The following IDE variants were observed in gnomAD, a reference collection of about 807,000 sequenced individuals.
IDE encodes the protein insulin-degrading enzyme.
A neutral mutation model predicts 133.2 loss-of-function variants in IDE; 58 were observed. The observed-to-expected ratio is 0.44, with a 90% CI of 0.35 to 0.54. The LOEUF (loss-of-function observed/expected upper bound fraction) is 0.54. Ranked by LOEUF, IDE falls within the 20% of genes least tolerant of loss-of-function variation. The pLI, the probability that IDE is intolerant of heterozygous loss-of-function variation, is 0.00. For synonymous variants in IDE, 396 were observed against 421.3 expected (o/e 0.94, Z 0.73); for missense variants, 981 against 1,234.0 (o/e 0.79, Z 3.07).
chr10:92,479,654 C>T (rs1437456325), intron 14 of IDE: 4 of 390,714 alleles, frequency 1.0e-5, no homozygotes, highest in Admixed American at 8.0e-5. Flanking sequence ...TGCGTGCGCA[C>T]TGGTAGTAGT....
chr10:92,512,772 A>G (rs1344271064), intron 5 of IDE, among the ~76,000 whole-genome samples: 1 of 152,178 alleles, frequency 6.6e-6, no homozygotes, highest in African/African-American at 2.4e-5. Flanking sequence ...TAACTATAAA[A>G]GTAACATTTG....
intron 1 of IDE, among the ~76,000 whole-genome samples, chr10:92,548,504 A>C (rs1028909686): frequency 2.6e-5 from 4 of 152,008 alleles, no homozygotes; most frequent in African/African-American, 7.3e-5. Context: ...TATAAACTTC[A>C]CCAAGGCATA....
intron 1 of IDE, chr10:92,572,814 T>A: frequency 1.1e-6 from 1 of 895,122 alleles, no homozygotes; most frequent in Non-Finnish European, 1.3e-6. Context: ...CAGCCCTCAC[T>A]CCAACCTTTC....
In IDE at chr10:92,524,397, A is replaced by ATAATATATATTATATT. The variant is rs1564647699; in HGVS notation, c.661+7350_661+7351insAATATAATATATATTA. Reference sequence around the variant, plus strand: ...ATATTATATATAATATATTTTATATAATATATAATATATATTATATTATAT... The same window carrying ATAATATATATTATATT: ...ATATTATATATAATATATTTTATATATAATATATATTATATTATATATAATATATATTATATTATAT... On this transcript the variant is annotated intron_variant, in intron 4 of 24. Coordinates refer to ENST00000265986, the MANE Select transcript of IDE (RefSeq NM_004969.4). 6.8e-4 allele frequency among the ~76,000 whole-genome samples: 62 copies of ATAATATATATTATATT among 90,886 alleles called. 13 individuals carry two copies. The highest frequency in any genetic ancestry group is 2.9e-3 in the African/African-American group (61 of 21,378). The allele number at this position is 90,886 out of a possible 152,430, so 59.6% of individuals were successfully genotyped here.
chr10:92,466,767 G>A (rs1845714785), intron 19 of IDE, among the ~76,000 whole-genome samples: 1 of 151,770 alleles, frequency 6.6e-6, no homozygotes, highest in Non-Finnish European at 1.5e-5. Flanking sequence ...ACAGGTGCCT[G>A]CCACTATGCC....
intron 1 of IDE, chr10:92,541,386 C>A (rs1283857936): frequency 4.3e-6 from 2 of 462,250 alleles, no homozygotes; most frequent in African/African-American, 4.0e-5. Context: ...TATTTATACT[C>A]ATAAGATCAC....
chr10:92,546,272 T>A (rs775766957), intron 1 of IDE, among the ~76,000 whole-genome samples: 33 of 152,172 alleles, frequency 2.2e-4, no homozygotes, highest in Non-Finnish European at 4.3e-4. Flanking sequence ...GAAAGGAGAA[T>A]GAAGGGGGCT....
chr10:92,521,424 G>A (rs1167173449), intron 4 of IDE, among the ~76,000 whole-genome samples: 1 of 151,734 alleles, frequency 6.6e-6, no homozygotes, highest in East Asian at 1.9e-4. Context: ...TAGGCTATGA[G>A]AAGTTCGATA....
chr10:92,472,888 G>A (rs942075847), intron 17 of IDE, among the ~76,000 whole-genome samples: 6 of 150,350 alleles, frequency 4.0e-5, no homozygotes, highest in East Asian at 1.9e-4. Flanking sequence ...CGCCCGCCTC[G>A]GCCTCCCAAA....
chr10:92,477,980 AAAC>A (rs1453461055), intron 15 of IDE, among the ~76,000 whole-genome samples: 6 of 152,366 alleles, frequency 3.9e-5, no homozygotes, highest in South Asian at 2.1e-4. Flanking sequence ...GTAAGAATTT[AAAC>A]AACGAGTACC....
rs1003412226 is a variant in IDE, at chr10:92,557,795, C to T, written c.98+16127G>A. On this transcript the variant is annotated intron_variant, in intron 1 of 24. Coordinates refer to ENST00000265986, the MANE Select transcript of IDE (RefSeq NM_004969.4). ...GTCCCAGCTACTCAGGAGGCTGAGG[C>T]ATAAGAATTGTTTAAACCTGGGAGG... 1.8e-4 allele frequency among the ~76,000 whole-genome samples: 25 copies of T among 139,846 alleles called. No individual in the cohort carries two copies. In the East Asian group the frequency reaches 5.4e-3, roughly 30 times the overall value. The allele number at this position is 139,846 out of a possible 152,430, so 91.7% of individuals were successfully genotyped here.
At chr10:92,499,822 C>G (rs1027186271) in intron 11 of IDE, among the ~76,000 whole-genome samples, 7 of 152,094 alleles carry the variant, frequency 4.6e-5, no homozygotes, top group Non-Finnish European at 8.8e-5. Flanking sequence ...TCTATTTTTT[C>G]TGGAAGTTTT....
intron 11 of IDE, among the ~76,000 whole-genome samples, chr10:92,492,730 A>C (rs1847434970): frequency 6.6e-6 from 1 of 152,200 alleles, no homozygotes; most frequent in African/African-American, 2.4e-5. Flanking sequence ...ACTTGCAATC[A>C]AAACTCCCCT....
chr10:92,568,026 T>G (rs1843632576), intron 1 of IDE, among the ~76,000 whole-genome samples: 1 of 152,208 alleles, frequency 6.6e-6, no homozygotes, highest in African/African-American at 2.4e-5. Context: ...CAATATTTCC[T>G]TCAAAGACTC....
intron 11 of IDE, among the ~76,000 whole-genome samples, chr10:92,498,967 T>G (rs758736345): frequency 1.4e-4 from 21 of 152,288 alleles, no homozygotes; most frequent in African/African-American, 5.1e-4. Flanking sequence ...TAGGCTGATT[T>G]TTCCCCCCTG....
intron 15 of IDE, among the ~76,000 whole-genome samples, chr10:92,477,439 G>A (rs1846330540): frequency 6.6e-6 from 1 of 152,246 alleles, no homozygotes; most frequent in African/African-American, 2.4e-5. Flanking sequence ...TTACAGGCGT[G>A]AGCCACCGTG....
At chr10:92,500,014 C>A (rs1057331762) in intron 11 of IDE, among the ~76,000 whole-genome samples, 1 of 152,084 alleles carries the variant, frequency 6.6e-6, no homozygotes, top group Admixed American at 6.6e-5. Flanking sequence ...AATCAACTGA[C>A]TGGCCGGGTG....
At chr10:92,493,393 C>CT (rs746219687) in intron 11 of IDE, among the ~76,000 whole-genome samples, 473 of 137,562 alleles carry the variant, frequency 3.4e-3, no homozygotes, top group African/African-American at 6.9e-3. Context: ...CGCTTGATTT[C>CT]TTTTTTTTTT....
intron 1 of IDE, among the ~76,000 whole-genome samples, chr10:92,564,177 G>A (rs1209660486): frequency 2.0e-5 from 3 of 152,120 alleles, no homozygotes; most frequent in African/African-American, 7.2e-5. Flanking sequence ...GAAGGAGCAA[G>A]CCAAGAAAGA....
Sources: gnomAD v4.1 joint callset for allele counts (sites outside exome capture counted in the v4.1 genomes callset) on GRCh38, gnomAD v4.1.1 for gene constraint, MANE v1.5 for transcripts, NCBI Gene and HGNC (gene_info 2026-07-23, HGNC 2026-07-21) for gene names.